Variants in EYS observed in about 807,000 individuals in gnomAD.
EYS encodes the protein EGF-like photoreceptor maintenance factor.
Under a neutral mutation model 282.1 loss-of-function variants are expected in EYS, and 250 were observed. The ratio of observed to expected loss-of-function variants is 0.89; its 90% CI spans 0.80 to 0.98. EYS has a LOEUF of 0.98. Among genes scored for constraint, EYS ranks in the 50% least tolerant of loss-of-function variants. The pLI, the probability that EYS is intolerant of heterozygous loss-of-function variation, is 0.00. For synonymous variants in EYS, 1,355 were observed against 1,282.9 expected (o/e 1.06, Z -1.20); for missense variants, 4,016 against 3,709.0 (o/e 1.08, Z -2.15).
rs1768487318 is a variant in EYS, at chr6:65,443,363, CATGT to C, written c.863-38000_863-37997del. On this transcript the variant is annotated intron_variant, in intron 5 of 42. Transcript: ENST00000503581. ...GTACACATATAGACATATATGCATA[CATGT>C]ATGTACACATATAGACATATATGCA... Among the ~76,000 whole-genome samples, 2 of 140,234 alleles carry C rather than the reference CATGT, an allele frequency of 1.4e-5. 1 individual carries two copies. The highest frequency in any genetic ancestry group is 3.2e-5 in the Non-Finnish European group (2 of 61,814). 92.0% of individuals were successfully genotyped at this position (140,234 alleles called of 152,430 possible).
intron 28 of EYS, among the ~76,000 whole-genome samples, chr6:64,395,475 C>T (rs1773329552): frequency 6.6e-6 from 1 of 152,098 alleles, no homozygotes; most frequent in South Asian, 2.1e-4. Context: ...AGTTCGTGTC[C>T]TTTGTAGGGA....
At chr6:65,250,133 T>A (rs942373596) in intron 12 of EYS, among the ~76,000 whole-genome samples, 1 of 151,988 alleles carries the variant, frequency 6.6e-6, no homozygotes, top group African/African-American at 2.4e-5. Flanking sequence ...GATACTTAGA[T>A]TAAAATTTTG....
chr6:64,557,813 A>T (rs1765278083), intron 26 of EYS, among the ~76,000 whole-genome samples: 1 of 152,098 alleles, frequency 6.6e-6, no homozygotes, highest in Non-Finnish European at 1.5e-5. Context: ...TTGTCAGAAC[A>T]CAATCAGATT....
At chr6:63,890,429 T>C (rs1002333454) in intron 35 of EYS, among the ~76,000 whole-genome samples, 2 of 152,146 alleles carry the variant, frequency 1.3e-5, no homozygotes, top group Non-Finnish European at 2.9e-5. Context: ...AAATTAGAAC[T>C]CAGGATTAAG....
intron 13 of EYS, among the ~76,000 whole-genome samples, chr6:65,048,364 A>G (rs1009549566): frequency 1.3e-5 from 2 of 151,852 alleles, no homozygotes; most frequent in African/African-American, 4.8e-5. Context: ...TCTCTGGACC[A>G]TTTTCACACC....
chr6:65,097,824 T>C (rs929936260), intron 12 of EYS, among the ~76,000 whole-genome samples: 4 of 150,434 alleles, frequency 2.7e-5, no homozygotes, highest in African/African-American at 9.7e-5. Flanking sequence ...CAAAGTACAA[T>C]AGTGATTATC....
At chr6:64,342,905 C>G (rs932018651) in intron 29 of EYS, among the ~76,000 whole-genome samples, 2 of 152,020 alleles carry the variant, frequency 1.3e-5, no homozygotes, top group Admixed American at 1.3e-4. Flanking sequence ...GGGTTGCAAT[C>G]CTAGTCTTGG....
At chr6:64,935,786 A>G (rs1193044524) in intron 15 of EYS, among the ~76,000 whole-genome samples, 2 of 151,744 alleles carry the variant, frequency 1.3e-5, no homozygotes, top group Non-Finnish European at 3.0e-5. Context: ...ATAAACTTAC[A>G]ATAAGCAAAG....
chr6:65,173,247 T>C (rs907530038), intron 12 of EYS, among the ~76,000 whole-genome samples: 12 of 151,412 alleles, frequency 7.9e-5, no homozygotes, highest in African/African-American at 2.7e-4. Flanking sequence ...TGTCTGTAGT[T>C]CTTTTGGAAC....
At chr6:65,181,995 G>A (rs1274098670) in intron 12 of EYS, among the ~76,000 whole-genome samples, 1 of 151,894 alleles carries the variant, frequency 6.6e-6, no homozygotes, top group Non-Finnish European at 1.5e-5. Flanking sequence ...ACTCATAGGT[G>A]GGAATTGAAC....
intron 12 of EYS, among the ~76,000 whole-genome samples, chr6:65,110,270 T>C (rs1775177440): frequency 6.6e-6 from 1 of 152,206 alleles, no homozygotes. Context: ...CCCGTAACTA[T>C]GTTCCAGTAG....
chr6:64,136,925 C>T (rs1277221843), intron 31 of EYS, among the ~76,000 whole-genome samples: 3 of 152,160 alleles, frequency 2.0e-5, no homozygotes, highest in Non-Finnish European at 4.4e-5. Flanking sequence ...TCTTTTGAAG[C>T]TTTGAAGCCA....
At chr6:64,264,125 C>G (rs1290133233) in intron 30 of EYS, among the ~76,000 whole-genome samples, 1 of 151,942 alleles carries the variant, frequency 6.6e-6, no homozygotes, top group Non-Finnish European at 1.5e-5. Context: ...ACAATGAATG[C>G]CTGTATGGTA....
At chr6:64,906,244 TAAG>T (rs1767822742) in intron 16 of EYS, among the ~76,000 whole-genome samples, 1 of 151,704 alleles carries the variant, frequency 6.6e-6, no homozygotes, top group East Asian at 1.9e-4. Context: ...TAGTCTCTAA[TAAG>T]ATTTTTAACA....
intron 12 of EYS, among the ~76,000 whole-genome samples, chr6:65,235,935 C>T (rs1766911992): frequency 1.3e-5 from 2 of 151,564 alleles, no homozygotes; most frequent in African/African-American, 4.8e-5. Flanking sequence ...TTAAAATGTA[C>T]AAAAATTTTG....
chr6:65,472,546 C>T (rs1008707461), intron 5 of EYS, among the ~76,000 whole-genome samples: 3 of 151,920 alleles, frequency 2.0e-5, no homozygotes, highest in Non-Finnish European at 2.9e-5. Flanking sequence ...TTCATTATGA[C>T]TTACAAATTA....
intron 31 of EYS, among the ~76,000 whole-genome samples, chr6:64,161,493 G>A (rs1261377894): frequency 6.6e-6 from 1 of 152,142 alleles, no homozygotes; most frequent in Non-Finnish European, 1.5e-5. Flanking sequence ...TTAATGGAAG[G>A]TCATTTTCAA....
At chr6:65,206,547 T>C (rs914420349) in intron 12 of EYS, among the ~76,000 whole-genome samples, 2 of 151,736 alleles carry the variant, frequency 1.3e-5, no homozygotes, top group African/African-American at 4.8e-5. Context: ...CAAGTATCAC[T>C]GTAATACTAA....
chr6:64,265,373 G>A (rs548631880), intron 30 of EYS, among the ~76,000 whole-genome samples: 21 of 152,248 alleles, frequency 1.4e-4, no homozygotes, highest in African/African-American at 5.1e-4. Context: ...CATTGGATCT[G>A]TAGGAATTGA....
Sources: gnomAD v4.1 joint callset for allele counts (sites outside exome capture counted in the v4.1 genomes callset) on GRCh38, gnomAD v4.1.1 for gene constraint, MANE v1.5 for transcripts, NCBI Gene and HGNC (gene_info 2026-07-23, HGNC 2026-07-21) for gene names.